Variants in COL4A3 observed in about 807,000 individuals in gnomAD.
COL4A3 encodes collagen type IV alpha 3 chain, also known as collagen alpha-3(IV) chain.
A neutral mutation model predicts 217.4 loss-of-function variants in COL4A3; 135 were observed. The observed-to-expected ratio is 0.62, with a 90% CI of 0.54 to 0.72. The LOEUF (loss-of-function observed/expected upper bound fraction) is 0.72, where lower values mean the gene tolerates loss of function less well. COL4A3 is among the 30% of genes least tolerant of loss of function. COL4A3 has a pLI of 0.00. For missense variants in COL4A3, 1,868 were observed against 2,119.9 expected (o/e 0.88, Z 2.33); for synonymous variants, 690 against 736.3 (o/e 0.94, Z 1.02).
At chr2:227,237,337 G>C (rs773592109) in intron 1 of COL4A3, among the ~76,000 whole-genome samples, 5 of 151,988 alleles carry the variant, frequency 3.3e-5, no homozygotes, top group Non-Finnish European at 7.4e-5. Context: ...ATCACCTATG[G>C]AATATATTGC....
rs1439020670 is a variant in COL4A3 at position 227,164,741 on chromosome 2, C to A, written c.15C>A (p.Thr5=). The A allele has an allele frequency of 3.3e-6, 5 of 1,528,254 alleles. No individual in the cohort carries two copies. Among genetic ancestry groups the A allele is most frequent in the Admixed American group, 3.9e-5 (2 of 50,780 alleles). 94.7% of individuals were successfully genotyped at this position (1,528,254 alleles called of 1,614,324 possible). Residue 5 remains threonine, a synonymous_variant, in exon 1 of 52, where the codon ACC becomes ACA. Coordinates refer to ENST00000396578, the MANE Select transcript of COL4A3 (RefSeq NM_000091.5). The surrounding 1 kb of genome is among the most constrained non-coding windows in gnomAD (Gnocchi z 4.8). MSAR[T]APRPQVLLLP... is the part of the protein sequence containing the mutation. ...GCGCGCCCACCATGAGCGCCCGGAC[C>A]GCCCCCAGGCCGCAGGTGCTCCTGC...
In COL4A3 at chr2:227,191,565, A is replaced by T. The variant is rs977861463; in HGVS notation, c.87+26752A>T. 7.2e-5 allele frequency among the ~76,000 whole-genome samples: 11 copies of T among 152,154 alleles called. No individual in the cohort carries two copies. The highest frequency in any genetic ancestry group is 2.7e-4 in the African/African-American group (11 of 41,446). On this transcript the variant is annotated intron_variant, in intron 1 of 51. Coordinates refer to ENST00000396578, the MANE Select transcript of COL4A3 (RefSeq NM_000091.5). This position sits in a 1 kb window ranked among gnomAD's most constrained non-coding sequence, Gnocchi z 6.8. ...TCAAAGAACCTGCCAAGGGGCTGCA[A>T]TGGGAGATTACAGTGACTCAGCAAA...
At chr2:227,201,549 G>C (rs917355544) in intron 1 of COL4A3, among the ~76,000 whole-genome samples, 1 of 152,158 alleles carries the variant, frequency 6.6e-6, no homozygotes, top group Non-Finnish European at 1.5e-5. Context: ...CAATGTATCC[G>C]TTTCCAGTTG....
At chr2:227,241,510 C>T (rs1354363498) in intron 3 of COL4A3, among the ~76,000 whole-genome samples, 1 of 151,910 alleles carries the variant, frequency 6.6e-6, no homozygotes, top group Non-Finnish European at 1.5e-5. Flanking sequence ...CCAGTTTCTA[C>T]CAAAAATACA....
Position 227,311,793 on chromosome 2 carries a change from A to G in COL4A3, c.4936A>G (p.Ile1646Val). ...LNPERMFRKP[I>V]PSTVKAGELE... ...GGTTTGTTTTTATTTCAGAAAGCCT[A>G]TTCCATCAACTGTGAAAGCTGGGGA... The change falls in exon 52 of 52, where the codon ATT becomes GTT. Residue 1646 changes from isoleucine (I) to valine (V), a missense_variant. Coordinates refer to ENST00000396578, the MANE Select transcript of COL4A3 (RefSeq NM_000091.5). The G allele has an allele frequency of 6.2e-7, 1 of 1,613,850 alleles. No homozygotes were observed. Among genetic ancestry groups the G allele is most frequent in the South Asian group, 1.1e-5 (1 of 90,988 alleles).
Position 227,309,072 on chromosome 2 carries a change from A to AG in COL4A3, c.4637dup (p.Ser1546ArgfsTer7). On this transcript the variant is annotated frameshift_variant, in exon 49 of 52. Transcript: ENST00000396578. LOFTEE classifies it high-confidence loss of function. ...TGGCAGAGCCCTTGAGCCTTATATA[A>AG]GCAGGTAAAAATCCAATCCCCTAGT... 1.9e-6 allele frequency: 3 copies of AG among 1,614,220 alleles called. No individual in the cohort carries two copies. Among genetic ancestry groups the AG allele is most frequent in the Non-Finnish European group, 2.5e-6 (3 of 1,180,036 alleles).
At chr2:227,307,968 G>A (rs1255391038) in intron 48 of COL4A3, 49 bp downstream of exon 48, 2 of 1,528,574 alleles carry the variant, frequency 1.3e-6, no homozygotes, top group Non-Finnish European at 1.8e-6. Context: ...CATGCAGATT[G>A]TAAATCTTTA....
At position 227,282,763 on chromosome 2, in the gene COL4A3, G is replaced by A. The variant is rs997396291; in HGVS notation, c.2656+231G>A. On this transcript the variant is annotated intron_variant, in intron 32 of 51. Transcript: ENST00000396578. The surrounding 1 kb of genome is among the most constrained non-coding windows in gnomAD (Gnocchi z 4.4). Reference sequence around the variant, plus strand: ...TTGCTGTGTAATCCTTTTTATATACGACTACTATAATATACTTGCTAGTAT... The same window carrying A: ...TTGCTGTGTAATCCTTTTTATATACAACTACTATAATATACTTGCTAGTAT... 2.6e-5 allele frequency among the ~76,000 whole-genome samples: 4 copies of A among 152,038 alleles called. No homozygotes were observed. The highest frequency in any genetic ancestry group is 9.7e-5 in the African/African-American group (4 of 41,394).
rs1559922072 is a variant in COL4A3, at chr2:227,307,695, ATG to A, written c.4253-11_4253-10del. The A allele has an allele frequency of 2.5e-6, 4 of 1,611,520 alleles. No individual in the cohort carries two copies. Among genetic ancestry groups the A allele is most frequent in the Admixed American group, 1.7e-5 (1 of 60,012 alleles). ...TTTTGTGTATGTTGCAACATTTAGA[ATG>A]TGTTTTTTGAAGGACCAGCTGGATC... On this transcript the variant is annotated splice_polypyrimidine_tract_variant and intron_variant, in intron 47 of 51. Coordinates refer to ENST00000396578, the MANE Select transcript of COL4A3 (RefSeq NM_000091.5).
In COL4A3 at chr2:227,247,589, G is replaced by C. The variant is rs1472826659; in HGVS notation, c.468+5G>C. 6.2e-7 allele frequency: 1 copy of C among 1,614,026 alleles called. No individual in the cohort carries two copies. Among genetic ancestry groups the C allele is most frequent in the Admixed American group, 1.7e-5 (1 of 60,016 alleles). ...GCTGGTTTGAAAGGACAAAAGGTAA[G>C]TCATTGGTGGAATGCTGTCACTGAA... On this transcript the variant is annotated splice_donor_5th_base_variant and intron_variant, in intron 8 of 51. Transcript: ENST00000396578.
Position 227,308,952 on chromosome 2 carries a change from A to ATTAC in COL4A3, c.4516_4517insTTAC (p.Asn1506IlefsTer5). ...TACCACAATGCCATTCTTATTCTGC[A>ATTAC]ATGTCAATGATGTATGTAATTTTGC... On this transcript the variant is annotated frameshift_variant, in exon 49 of 52. Coordinates refer to ENST00000396578, the MANE Select transcript of COL4A3 (RefSeq NM_000091.5). LOFTEE classifies it high-confidence loss of function. The ATTAC allele has an allele frequency of 6.2e-7, 1 of 1,614,212 alleles. No individual in the cohort carries two copies. The highest frequency in any genetic ancestry group is 8.5e-7 in the Non-Finnish European group (1 of 1,180,044).
intron 2 of COL4A3, among the ~76,000 whole-genome samples, chr2:227,239,695 C>G (rs1351587571): frequency 6.6e-6 from 1 of 152,240 alleles, no homozygotes; most frequent in African/African-American, 2.4e-5. Flanking sequence ...GGCTCAGACT[C>G]ATAACCTGCC....
chr2:227,200,599 G>T (rs1416710268), intron 1 of COL4A3, among the ~76,000 whole-genome samples: 1 of 152,184 alleles, frequency 6.6e-6, no homozygotes, highest in Non-Finnish European at 1.5e-5. Flanking sequence ...TCAAAAATCT[G>T]CTCAGACTCA....
chr2:227,242,431 T>C (rs2069082467), intron 3 of COL4A3, among the ~76,000 whole-genome samples: 1 of 152,176 alleles, frequency 6.6e-6, no homozygotes, highest in African/African-American at 2.4e-5. Context: ...CTGAACACCA[T>C]GCTTCAGGGA....
intron 1 of COL4A3, among the ~76,000 whole-genome samples, chr2:227,230,897 G>A (rs1471184265): frequency 2.6e-5 from 4 of 152,178 alleles, no homozygotes; most frequent in African/African-American, 7.2e-5. Context: ...GAGCAGCCCT[G>A]ACTATAATTT....
chr2:227,247,481 G>A lies in COL4A3; in HGVS notation c.442-77G>A, dbSNP rs528483304. Reference sequence around the variant, plus strand: ...AGTGGGGAGAGGATACACAATAGCAGAGAGGGCAGAGCAGACCGAGTAGGA... The same window carrying A: ...AGTGGGGAGAGGATACACAATAGCAAAGAGGGCAGAGCAGACCGAGTAGGA... On this transcript the variant is annotated intron_variant, in intron 7 of 51. Transcript: ENST00000396578. 195 of 1,376,608 alleles carry A rather than the reference G, an allele frequency of 1.4e-4. 3 individuals are homozygous for A. The South Asian group carries it at 2.2e-3, about 16-fold the overall frequency. The allele number at this position is 1,376,608 out of a possible 1,614,324, so 85.3% of individuals were successfully genotyped here.
intron 1 of COL4A3, among the ~76,000 whole-genome samples, chr2:227,194,585 G>A (rs1008619411): frequency 1.3e-5 from 2 of 151,058 alleles, no homozygotes; most frequent in African/African-American, 4.9e-5. Context: ...GGAAGGAGGA[G>A]TGAAAGTTAT....
intron 1 of COL4A3, among the ~76,000 whole-genome samples, chr2:227,235,377 T>C (rs1018163381): frequency 1.3e-5 from 2 of 152,196 alleles, no homozygotes; most frequent in African/African-American, 2.4e-5. Context: ...TGCAATGAGT[T>C]AGTCTTCTAG....
chr2:227,295,092 T>G, intron 40 of COL4A3, 30 bp downstream of exon 40: 2 of 1,596,038 alleles, frequency 1.3e-6, no homozygotes, highest in Non-Finnish European at 1.7e-6. Flanking sequence ...TTTGATCCGT[T>G]AGTTTTATTT....
Sources: allele counts gnomAD v4.1 joint callset (sites outside exome capture counted in the v4.1 genomes callset), GRCh38; gene constraint gnomAD v4.1.1; non-coding constraint Gnocchi (gnomAD v3.1); transcripts MANE v1.5; gene names NCBI Gene and HGNC (gene_info 2026-07-23, HGNC 2026-07-21).